CTNNA2: variants seen among roughly 807,000 people sequenced by gnomAD.
CTNNA2 encodes the protein catenin alpha 2, also known as catenin alpha-2.
A neutral mutation model predicts 101.0 loss-of-function variants in CTNNA2; 42 were observed. The ratio of observed to expected loss-of-function variants is 0.42; its 90% CI spans 0.32 to 0.54. CTNNA2 has a LOEUF of 0.54. Ranked by LOEUF, CTNNA2 falls within the 20% of genes least tolerant of loss-of-function variation. The probability of loss-of-function intolerance (pLI) is 0.14; values close to 1 mark genes in which losing one functional copy is unlikely to be tolerated. For synonymous variants in CTNNA2, 450 were observed against 456.4 expected (o/e 0.99, Z 0.18); for missense variants, 871 against 1,223.1 (o/e 0.71, Z 4.29).
chr2:80,177,755 A>G (rs1053880959), intron 7 of CTNNA2, among the ~76,000 whole-genome samples: 1 of 152,298 alleles, frequency 6.6e-6, no homozygotes, highest in East Asian at 1.9e-4. Context: ...GTCCATCTAT[A>G]TACCTCTTCC....
chr2:79,400,559 G>C (rs927476163), intron 4 of CTNNA2, among the ~76,000 whole-genome samples: 1 of 151,812 alleles, frequency 6.6e-6, no homozygotes, highest in Admixed American at 6.6e-5. Flanking sequence ...AGAAAAAATC[G>C]GTTAACTTGA....
chr2:80,173,552 A>G (rs1382583922), intron 7 of CTNNA2, among the ~76,000 whole-genome samples: 1 of 152,204 alleles, frequency 6.6e-6, no homozygotes, highest in African/African-American at 2.4e-5. Flanking sequence ...CAAATTTTAA[A>G]TGAAGGGACC....
chr2:79,628,709 T>C (rs1396426802), intron 1 of CTNNA2, among the ~76,000 whole-genome samples: 1 of 152,230 alleles, frequency 6.6e-6, no homozygotes, highest in African/African-American at 2.4e-5. Context: ...GGAATTTTTC[T>C]CCTATAGCTT....
intron 1 of CTNNA2, among the ~76,000 whole-genome samples, chr2:79,645,705 A>C (rs926933915): frequency 6.6e-6 from 1 of 152,224 alleles, no homozygotes; most frequent in Non-Finnish European, 1.5e-5. Flanking sequence ...ATTGCAAAGA[A>C]GAAAAACCAT....
intron 7 of CTNNA2, among the ~76,000 whole-genome samples, chr2:79,967,003 G>A (rs1318665607): frequency 6.6e-6 from 1 of 151,966 alleles, no homozygotes; most frequent in African/African-American, 2.4e-5. Flanking sequence ...AGCAGGTCCT[G>A]TCTATTTGTT....
At chr2:79,555,442 T>G (rs573904806) in intron 1 of CTNNA2, among the ~76,000 whole-genome samples, 1 of 152,236 alleles carries the variant, frequency 6.6e-6, no homozygotes, top group African/African-American at 2.4e-5. Context: ...TTTCAATAGT[T>G]AATATGAGTT....
chr2:79,356,285 A>G (rs1228779934), intron 3 of CTNNA2, among the ~76,000 whole-genome samples: 2 of 151,818 alleles, frequency 1.3e-5, no homozygotes, highest in East Asian at 1.9e-4. Context: ...TCCTCTACTC[A>G]TTTTTTAATT....
chr2:80,630,750 TTAA>T (rs1331834320), intron 18 of CTNNA2, among the ~76,000 whole-genome samples: 3 of 152,158 alleles, frequency 2.0e-5, no homozygotes, highest in African/African-American at 7.2e-5. Context: ...AATAATCATT[TTAA>T]TAATGTTAAG....
At chr2:79,615,257 T>C (rs1369389733) in intron 1 of CTNNA2, among the ~76,000 whole-genome samples, 2 of 152,206 alleles carry the variant, frequency 1.3e-5, no homozygotes, top group African/African-American at 2.4e-5. Flanking sequence ...TATAATTTAT[T>C]TCTAAATGTT....
chr2:80,320,856 T>C (rs1379440973), intron 7 of CTNNA2, among the ~76,000 whole-genome samples: 4 of 152,206 alleles, frequency 2.6e-5, no homozygotes, highest in East Asian at 1.9e-4. Flanking sequence ...TTTAGATGTG[T>C]CCAATTATTT....
intron 7 of CTNNA2, among the ~76,000 whole-genome samples, chr2:80,203,628 G>C (rs1045575964): frequency 4.6e-5 from 7 of 152,160 alleles, no homozygotes; most frequent in African/African-American, 1.7e-4. Context: ...CTTCCCTCCT[G>C]GCTGCTTTCA....
At chr2:79,743,826 G>A (rs190762718) in intron 2 of CTNNA2, among the ~76,000 whole-genome samples, 10 of 152,038 alleles carry the variant, frequency 6.6e-5, no homozygotes, top group Non-Finnish European at 1.2e-4. Context: ...GAGCCACCAC[G>A]CCTGGCAGAA....
At chr2:80,236,061 ATTTGGTTT>A (rs2149083341) in intron 7 of CTNNA2, among the ~76,000 whole-genome samples, 1 of 152,214 alleles carries the variant, frequency 6.6e-6, no homozygotes, top group East Asian at 1.9e-4. Flanking sequence ...AACATGCAGT[ATTTGGTTT>A]TCTGTTCCTG....
intron 1 of CTNNA2, among the ~76,000 whole-genome samples, chr2:79,522,193 C>T (rs1456552465): frequency 1.3e-5 from 2 of 152,204 alleles, no homozygotes; most frequent in Non-Finnish European, 2.9e-5. Context: ...CTAGTATTCT[C>T]CTGTGTCATT....
At chr2:80,197,599 C>G (rs750200901) in intron 7 of CTNNA2, among the ~76,000 whole-genome samples, 3 of 152,174 alleles carry the variant, frequency 2.0e-5, no homozygotes, top group Non-Finnish European at 4.4e-5. Flanking sequence ...TCTGTGCTCT[C>G]CCACCTCAGA....
chr2:80,557,702 T>G (rs574083542), intron 12 of CTNNA2, among the ~76,000 whole-genome samples: 1 of 152,336 alleles, frequency 6.6e-6, no homozygotes, highest in African/African-American at 2.4e-5. Context: ...GAACTTTTTC[T>G]TATTGTATCT....
At chr2:79,811,092 G>T (rs1676992004) in intron 3 of CTNNA2, among the ~76,000 whole-genome samples, 1 of 150,586 alleles carries the variant, frequency 6.6e-6, no homozygotes, top group South Asian at 2.1e-4. Context: ...AGATCCCTGA[G>T]GGATCGCCAC....
chr2:79,645,384 C>T (rs553363676), intron 1 of CTNNA2, among the ~76,000 whole-genome samples: 36 of 151,810 alleles, frequency 2.4e-4, no homozygotes, highest in African/African-American at 8.5e-4. Flanking sequence ...GGTCATTAAG[C>T]CAGTATTATT....
chr2:80,232,364 T>G (rs1365242876), intron 7 of CTNNA2, among the ~76,000 whole-genome samples: 3,515 of 56,606 alleles, frequency 0.062, 213 homozygotes, highest in African/African-American at 0.11. Context: ...TTTTTTTTTT[T>G]TTTTTTTTTT....
Sources: gnomAD v4.1 joint callset for allele counts (sites outside exome capture counted in the v4.1 genomes callset) on GRCh38, gnomAD v4.1.1 for gene constraint, MANE v1.5 for transcripts, NCBI Gene and HGNC (gene_info 2026-07-23, HGNC 2026-07-21) for gene names.